Variants in NBAS observed in about 807,000 individuals in gnomAD.
The protein encoded by NBAS is NAG/BC035112 fusion.
Under a neutral mutation model 302.5 loss-of-function variants are expected in NBAS, and 219 were observed. That is an observed-to-expected ratio of 0.72 (90% CI 0.65 to 0.81). The LOEUF (loss-of-function observed/expected upper bound fraction) is 0.81. Ranked by LOEUF, NBAS falls within the 30% of genes least tolerant of loss-of-function variation. NBAS has a pLI of 0.00. For synonymous variants in NBAS, 1,118 were observed against 1,021.6 expected (o/e 1.09, Z -1.80); for missense variants, 2,932 against 2,841.6 (o/e 1.03, Z -0.72).
intron 48 of NBAS, among the ~76,000 whole-genome samples, chr2:15,207,568 T>C (rs2147852329): frequency 6.6e-6 from 1 of 152,274 alleles, no homozygotes. Context: ...CCACCCAAAT[T>C]GCAACTCAAA....
chr2:15,036,927 G>T, the NBAS span, among the ~76,000 whole-genome samples: 1 of 152,118 alleles, frequency 6.6e-6, no homozygotes, highest in Non-Finnish European at 1.5e-5. Flanking sequence ...ATACCCTGCA[G>T]GTTAGGCAAG....
chr2:15,331,569 G>A (rs994285056), intron 35 of NBAS, among the ~76,000 whole-genome samples: 3 of 152,136 alleles, frequency 2.0e-5, no homozygotes, highest in African/African-American at 7.2e-5. Flanking sequence ...ATAGCTTGTT[G>A]TGATCACAGA....
At chr2:14,785,003 G>A in the NBAS span, among the ~76,000 whole-genome samples, 1 of 152,130 alleles carries the variant, frequency 6.6e-6, no homozygotes, top group Non-Finnish European at 1.5e-5. Context: ...ATTGAGCAGT[G>A]GTTTGTAGTT....
chr2:15,308,380 T>A (rs762935573), intron 39 of NBAS, 27 bp from the exon 40 acceptor site: 2 of 1,612,156 alleles, frequency 1.2e-6, no homozygotes, highest in South Asian at 2.2e-5. Flanking sequence ...TAGAATTAAC[T>A]CAGCTGAAAG....
intron 9 of NBAS, among the ~76,000 whole-genome samples, chr2:15,530,303 T>A (rs1663159032): frequency 1.3e-5 from 2 of 152,014 alleles, no homozygotes; most frequent in South Asian, 4.1e-4. Flanking sequence ...TCAACTCCCT[T>A]TTCTCTTTCC....
chr2:15,172,108 G>A (rs1293915756), intron 51 of NBAS, among the ~76,000 whole-genome samples: 1 of 152,202 alleles, frequency 6.6e-6, no homozygotes, highest in Non-Finnish European at 1.5e-5. Flanking sequence ...GCTTACAGCG[G>A]TGACATCAGC....
At chr2:15,260,394 G>A (rs1341605840) in intron 44 of NBAS, among the ~76,000 whole-genome samples, 1 of 152,160 alleles carries the variant, frequency 6.6e-6, no homozygotes, top group Non-Finnish European at 1.5e-5. Flanking sequence ...GAAAGACATC[G>A]GCATTCGTGG....
At chr2:15,528,278 G>A (rs964660265) in intron 9 of NBAS, among the ~76,000 whole-genome samples, 2 of 151,274 alleles carry the variant, frequency 1.3e-5, no homozygotes, top group African/African-American at 4.9e-5. Flanking sequence ...CCTTTATCTG[G>A]ACCCCCACAT....
the NBAS span, among the ~76,000 whole-genome samples, chr2:15,047,617 G>A: frequency 7.3e-6 from 1 of 136,248 alleles, no homozygotes; most frequent in African/African-American, 2.8e-5. Context: ...CCATGCAGAT[G>A]AAGGCTGGGC....
chr2:15,386,501 CT>C (rs1223403428), intron 28 of NBAS, among the ~76,000 whole-genome samples: 1 of 152,114 alleles, frequency 6.6e-6, no homozygotes, highest in Admixed American at 6.5e-5. Context: ...CTTGGGGTGG[CT>C]TTTTTTCCCA....
At chr2:15,515,332 T>C (rs1375602556) in intron 9 of NBAS, among the ~76,000 whole-genome samples, 1 of 152,118 alleles carries the variant, frequency 6.6e-6, no homozygotes, top group Non-Finnish European at 1.5e-5. Context: ...CTAAATCTAC[T>C]GAAGGGTTTT....
At chr2:15,150,234 C>T in the NBAS span, among the ~76,000 whole-genome samples, 6 of 151,988 alleles carry the variant, frequency 3.9e-5, no homozygotes, top group African/African-American at 1.5e-4. Context: ...TTCCTAGAAA[C>T]CTGATCATAC....
intron 19 of NBAS, among the ~76,000 whole-genome samples, chr2:15,466,044 CT>C (rs755167241): frequency 1.3e-5 from 2 of 152,114 alleles, no homozygotes; most frequent in Non-Finnish European, 2.9e-5. Context: ...ATCAATAAAA[CT>C]ACTAAGAGTG....
chr2:15,508,049 A>C (rs185059454), intron 10 of NBAS, among the ~76,000 whole-genome samples: 1 of 152,302 alleles, frequency 6.6e-6, no homozygotes, highest in Non-Finnish European at 1.5e-5. Context: ...AAAAGGAACT[A>C]ATCCCATAAC....
the NBAS span, among the ~76,000 whole-genome samples, chr2:14,817,820 CT>C: frequency 7.2e-5 from 11 of 152,184 alleles, 1 homozygote; most frequent in East Asian, 2.1e-3. Flanking sequence ...AACAAGAAAA[CT>C]AAAAGTAAGA....
At chr2:15,414,827 C>T (rs1422841874) in intron 25 of NBAS, among the ~76,000 whole-genome samples, 1 of 152,066 alleles carries the variant, frequency 6.6e-6, no homozygotes, top group Non-Finnish European at 1.5e-5. Context: ...TGCCTGTAAT[C>T]CCAGCTACTC....
intron 4 of NBAS, among the ~76,000 whole-genome samples, 160 bp downstream of exon 4, chr2:15,553,901 T>C (rs113713101): frequency 1.4e-5 from 2 of 140,634 alleles, no homozygotes; most frequent in Non-Finnish European, 3.1e-5. Context: ...TCTTTCCCTC[T>C]CTCTCTAAAA....
intron 50 of NBAS, among the ~76,000 whole-genome samples, chr2:15,184,755 T>A (rs1222236141): frequency 1.3e-5 from 2 of 152,202 alleles, no homozygotes; most frequent in Non-Finnish European, 2.9e-5. Flanking sequence ...TACACATAAC[T>A]GTTACTGAGC....
chr2:15,167,316 T>G lies in NBAS; in HGVS notation c.6848A>C (p.Asp2283Ala). ...EQITAVTTVNDSNCDQELLSL... is the reference protein window; with the variant it reads ...EQITAVTTVNASNCDQELLSL... ...AAGAAGTTCTTGGTCACAATTGGAA[T>G]CATTCACCTTCAAGAAATAAGACAG... Residue 2283 changes from aspartate (D) to alanine (A), a missense_variant, in exon 52 of 52, where the codon GAT (aspartate) becomes GCT (alanine). Physicochemically the swap from Asp to Ala is moderately radical, Grantham distance 126. Transcript: ENST00000281513. The G allele has an allele frequency of 6.2e-7, 1 of 1,614,202 alleles. No individual in the cohort carries two copies. The highest frequency in any genetic ancestry group is 8.5e-7 in the Non-Finnish European group (1 of 1,180,044).
Sources: allele counts gnomAD v4.1 joint callset (sites outside exome capture counted in the v4.1 genomes callset), GRCh38; gene constraint gnomAD v4.1.1; transcripts MANE v1.5; gene names NCBI Gene and HGNC (gene_info 2026-07-23, HGNC 2026-07-21).